The following COQ2 variants were observed in gnomAD, a reference collection of about 807,000 sequenced individuals.
COQ2 encodes 4-hydroxybenzoate polyprenyltransferase, mitochondrial.
COQ2 carries 25 observed loss-of-function variants against 35.7 expected under a neutral mutation model. The observed-to-expected ratio is 0.70, with a 90% CI of 0.51 to 0.98. The LOEUF is 0.98. Among genes scored for constraint, COQ2 ranks in the 50% least tolerant of loss-of-function variants. The probability of loss-of-function intolerance (pLI) is 0.00; values close to 1 mark genes in which losing one functional copy is unlikely to be tolerated. For missense variants in COQ2, 488 were observed against 473.5 expected (o/e 1.03, Z -0.28); for synonymous variants, 206 against 186.2 (o/e 1.11, Z -0.86).
Position 83,272,129 on chromosome 4 carries a change from G to A in COQ2, c.586C>T (p.Pro196Ser). 6.2e-7 allele frequency: 1 copy of A among 1,611,020 alleles called. No homozygotes were observed. The highest frequency in any genetic ancestry group is 8.5e-7 in the Non-Finnish European group (1 of 1,178,560). Reference protein sequence around the residue: ...AGSLLLVITYPLMKRISYWPQ... With the variant: ...AGSLLLVITYSLMKRISYWPQ... The stretch of plus-strand genomic sequence containing the variant: ...CAGTATGAAATTCTTTTCATTAGTG[G>A]GTAGGTGATGACAAGAAGTAAGGAT... The change falls in exon 4 of 7, where the codon CCA becomes TCA. Residue 196 changes from proline (P) to serine (S), a missense_variant. Pro to Ser is a moderately conservative substitution (Grantham distance 74, BLOSUM62 -1). Coordinates refer to ENST00000647002, the MANE Select transcript of COQ2 (RefSeq NM_001358921.2).
At chr4:83,283,270 T>C in intron 1 of COQ2, 2 of 985,424 alleles carry the variant, frequency 2.0e-6, no homozygotes, top group Non-Finnish European at 1.2e-6. Flanking sequence ...TTTGACTACA[T>C]CTCCATACAC....
chr4:83,271,695 C>T (rs1577985671), intron 4 of COQ2, among the ~76,000 whole-genome samples: 1 of 152,026 alleles, frequency 6.6e-6, no homozygotes, highest in African/African-American at 2.4e-5. Flanking sequence ...TGCCTGTAAT[C>T]CTAGCTACTC....
intron 5 of COQ2, 91 bp from the exon 6 acceptor site, chr4:83,267,865 T>TC (rs1473162560): frequency 8.6e-7 from 1 of 1,168,816 alleles, no homozygotes; most frequent in Non-Finnish European, 1.2e-6. Context: ...TAGTGTTTTT[T>TC]TGTATATTCA....
chr4:83,275,994 T>C (rs1189813538), intron 2 of COQ2, among the ~76,000 whole-genome samples: 2 of 100,218 alleles, frequency 2.0e-5, no homozygotes, highest in African/African-American at 6.7e-5. Context: ...TATATATTTT[T>C]ATATAGAATA....
chr4:83,279,307 T>C (rs1735257791), intron 1 of COQ2, among the ~76,000 whole-genome samples, 193 bp from the exon 2 acceptor site: 1 of 151,736 alleles, frequency 6.6e-6, no homozygotes, highest in South Asian at 2.1e-4. Context: ...AAGAAAGAGA[T>C]CAACAGTCCA....
intron 2 of COQ2, among the ~76,000 whole-genome samples, chr4:83,273,913 G>A (rs1577987213): frequency 6.6e-6 from 1 of 150,386 alleles, no homozygotes; most frequent in African/African-American, 2.5e-5. Flanking sequence ...GGAGGCTGAG[G>A]TGGGAGGACT....
rs372421130 is a variant in COQ2 at position 83,273,485 on chromosome 4, G to A, written c.542+11C>T. On this transcript the variant is annotated intron_variant, in intron 3 of 6. Coordinates refer to ENST00000647002, the MANE Select transcript of COQ2 (RefSeq NM_001358921.2). ...AGATTTTATACATGATGTGGAAAAC[G>A]TTTAATATACCTGTAGTAATTTAGA... The A allele has an allele frequency of 4.2e-5, 67 of 1,603,324 alleles. No individual in the cohort carries two copies. Among genetic ancestry groups the A allele is most frequent in the Admixed American group, 7.0e-5 (4 of 57,288 alleles).
upstream of COQ2, chr4:83,285,054 A>G: frequency 1.6e-6 from 1 of 618,878 alleles, no homozygotes. Flanking sequence ...ATCGGGCAAC[A>G]CTCAGAACGG....
chr4:83,271,369 C>T (rs1370069299), intron 4 of COQ2, among the ~76,000 whole-genome samples: 1 of 152,206 alleles, frequency 6.6e-6, no homozygotes, highest in East Asian at 1.9e-4. Context: ...TCCTGAGAGG[C>T]TTCACAGAAT....
chr4:83,273,457 G>C (rs761071507), intron 3 of COQ2, 39 bp downstream of exon 3: 1 of 1,566,422 alleles, frequency 6.4e-7, no homozygotes, highest in South Asian at 1.2e-5. Context: ...CATTTCAAAG[G>C]AGAGATTTTA....
At chr4:83,272,489 T>C (rs1273906539) in intron 3 of COQ2, among the ~76,000 whole-genome samples, 1 of 152,222 alleles carries the variant, frequency 6.6e-6, no homozygotes, top group Non-Finnish European at 1.5e-5. Flanking sequence ...AGGCAGGTAT[T>C]ATAATATAAA....
At position 83,284,600 on chromosome 4, in the gene COQ2, C is replaced by T. The variant is rs747231025; in HGVS notation, c.165G>A (p.Gln55=). The change falls in exon 1 of 7, where the codon CAG becomes CAA. Residue 55 remains glutamine, a synonymous_variant. Coordinates refer to ENST00000647002, the MANE Select transcript of COQ2 (RefSeq NM_001358921.2). The stretch of plus-strand genomic sequence containing the variant: ...CCACCGCCGCCGCGGACAAACTGAG[C>T]TGGCGCCCGCGCGGCTCGGGACAGG... ...PPACPEPRGR[Q]LSLSAAAVVD... is the part of the protein sequence containing the mutation. The T allele has an allele frequency of 2.0e-6, 3 of 1,537,228 alleles. No individual in the cohort carries two copies. Among genetic ancestry groups the T allele is most frequent in the Non-Finnish European group, 2.6e-6 (3 of 1,142,872 alleles).
At chr4:83,275,183 CAAGTT>C (rs1416699217) in intron 2 of COQ2, among the ~76,000 whole-genome samples, 6 of 152,126 alleles carry the variant, frequency 3.9e-5, no homozygotes, top group Admixed American at 3.9e-4. Context: ...TTTTTTCACT[CAAGTT>C]GAGATTTTCC....
intron 1 of COQ2, among the ~76,000 whole-genome samples, chr4:83,280,382 C>T (rs1359007281): frequency 6.6e-6 from 1 of 152,122 alleles, no homozygotes; most frequent in African/African-American, 2.4e-5. Flanking sequence ...AAGTTCAGAT[C>T]CTGAAGAAAA....
In COQ2 at chr4:83,266,114, C is replaced by A. The variant is rs1734912657; in HGVS notation, c.951+1472G>T. On this transcript the variant is annotated intron_variant, in intron 6 of 6. Transcript: ENST00000647002. ...AGCCCTCATGGAGCTGAGCTATGAC[C>A]AAAAAGGGATGCTGAGAAATTCTGA... Among the ~76,000 whole-genome samples, 8 of 151,952 alleles carry A rather than the reference C, an allele frequency of 5.3e-5. No individual in the cohort carries two copies. The South Asian group carries it at 1.7e-3, about 31-fold the overall frequency.
intron 2 of COQ2, 38 bp from the exon 3 acceptor site, chr4:83,273,655 T>C (rs775863297): frequency 6.3e-7 from 1 of 1,595,708 alleles, no homozygotes; most frequent in Non-Finnish European, 8.5e-7. Flanking sequence ...CTTCATGTAA[T>C]GACTCAATCA....
At chr4:83,276,574 G>C (rs1373261700) in intron 2 of COQ2, among the ~76,000 whole-genome samples, 2 of 152,136 alleles carry the variant, frequency 1.3e-5, no homozygotes, top group African/African-American at 2.4e-5. Context: ...TGTGGAGAAA[G>C]GGGAACACTT....
chr4:83,279,668 C>G (rs77112074), intron 1 of COQ2, among the ~76,000 whole-genome samples: 1 of 151,988 alleles, frequency 6.6e-6, no homozygotes, highest in Non-Finnish European at 1.5e-5. Context: ...GAAGAACACA[C>G]TAGAAACATA....
At chr4:83,279,170 C>T (rs1413710278) in intron 1 of COQ2, 56 bp from the exon 2 acceptor site, 5 of 1,486,426 alleles carry the variant, frequency 3.4e-6, no homozygotes, top group Non-Finnish European at 4.5e-6. Context: ...TAACTGTTTT[C>T]ATTTGTTTAA....
Sources: gnomAD v4.1 joint callset for allele counts (sites outside exome capture counted in the v4.1 genomes callset) on GRCh38, gnomAD v4.1.1 for gene constraint, MANE v1.5 for transcripts, NCBI Gene and HGNC (gene_info 2026-07-23, HGNC 2026-07-21) for gene names.